The following LRRC37A2 variants were observed in gnomAD, a reference collection of about 807,000 sequenced individuals.
The protein encoded by LRRC37A2 is leucine rich repeat containing 37 member A2.
A neutral mutation model predicts 68.8 loss-of-function variants in LRRC37A2; 9 were observed. That is an observed-to-expected ratio of 0.13 (90% CI 0.08 to 0.23). The LOEUF (loss-of-function observed/expected upper bound fraction) is 0.23, where lower values mean the gene tolerates loss of function less well. Ranked by LOEUF, LRRC37A2 falls within the 10% of genes least tolerant of loss-of-function variation. The probability of loss-of-function intolerance (pLI) is 1.00; values close to 1 mark genes in which losing one functional copy is unlikely to be tolerated. For missense variants in LRRC37A2, 168 were observed against 950.4 expected, an observed-to-expected ratio of 0.18 and a Z score of 10.82; for synonymous variants, 63 against 367.6, an observed-to-expected ratio of 0.17 and a Z score of 9.48.
chr17:46,785,019 T>C, the LRRC37A2 span, among the ~76,000 whole-genome samples: 85 of 152,212 alleles, frequency 5.6e-4, no homozygotes, highest in East Asian at 9.5e-3. Context: ...CCTCGTGATC[T>C]GCCCGCCTTG....
chr17:46,780,906 G>C, the LRRC37A2 span, among the ~76,000 whole-genome samples: 1 of 152,154 alleles, frequency 6.6e-6, no homozygotes, highest in Non-Finnish European at 1.5e-5. Flanking sequence ...ATAAACAACA[G>C]GTGGCCCATA....
At chr17:46,708,031 CAAAAA>C in the LRRC37A2 span, among the ~76,000 whole-genome samples, 3 of 85,552 alleles carry the variant, frequency 3.5e-5, no homozygotes, top group Non-Finnish European at 5.2e-5. Flanking sequence ...GACCCTGTCT[CAAAAA>C]AAAAAAAAAA....
At chr17:46,388,394 CAAA>C in the LRRC37A2 span, among the ~76,000 whole-genome samples, 4 of 44,668 alleles carry the variant, frequency 9.0e-5, no homozygotes, top group Admixed American at 2.0e-4. Flanking sequence ...ACTAAAAATA[CAAA>C]AAAAAAAAAA....
At chr17:46,980,758 G>A in the LRRC37A2 span, among the ~76,000 whole-genome samples, 3 of 151,730 alleles carry the variant, frequency 2.0e-5, no homozygotes, top group African/African-American at 4.8e-5. Context: ...GCGTGAACCC[G>A]GGAGGTGAAG....
At chr17:46,914,580 G>A in the LRRC37A2 span, among the ~76,000 whole-genome samples, 2 of 147,414 alleles carry the variant, frequency 1.4e-5, no homozygotes, top group Non-Finnish European at 3.0e-5. Context: ...GAACCCGGAA[G>A]GCGGAGGTTG....
chr17:46,872,462 G>T, the LRRC37A2 span: 1 of 1,432,770 alleles, frequency 7.0e-7, no homozygotes. Context: ...CCCTTCATTT[G>T]CCCCTCACCA....
chr17:46,907,299 C>T, the LRRC37A2 span, among the ~76,000 whole-genome samples: 8 of 152,212 alleles, frequency 5.3e-5, no homozygotes, highest in African/African-American at 1.9e-4. Flanking sequence ...CCAGGCGGGG[C>T]TTCCTTTGGA....
At chr17:46,951,028 G>T in the LRRC37A2 span, among the ~76,000 whole-genome samples, 1 of 152,146 alleles carries the variant, frequency 6.6e-6, no homozygotes, top group East Asian at 1.9e-4. Context: ...CCAACTACAC[G>T]CCCATGGCCT....
the LRRC37A2 span, chr17:46,939,808 TA>T: frequency 1.0e-6 from 1 of 988,738 alleles, no homozygotes; most frequent in African/African-American, 1.7e-5. Flanking sequence ...ATTCAGGCTG[TA>T]CTAATACCAG....
At chr17:46,940,257 TGGA>T in the LRRC37A2 span, 4 of 1,425,436 alleles carry the variant, frequency 2.8e-6, no homozygotes, top group Non-Finnish European at 1.8e-6. Context: ...CACTTTCGGT[TGGA>T]GGAGATCTCC....
At chr17:46,875,349 A>G in the LRRC37A2 span, 1 of 1,606,084 alleles carries the variant, frequency 6.2e-7, no homozygotes, top group Non-Finnish European at 8.5e-7. Context: ...CGCCCACAAT[A>G]CCCACGTGGG....
At chr17:47,015,006 C>CTTTTTTT in the LRRC37A2 span, among the ~76,000 whole-genome samples, 2 of 106,126 alleles carry the variant, frequency 1.9e-5, no homozygotes, top group Admixed American at 1.2e-4. Flanking sequence ...CCATTTTTAT[C>CTTTTTTT]TTTTTTTTTT....
At chr17:46,737,998 A>C in the LRRC37A2 span, among the ~76,000 whole-genome samples, 1 of 151,856 alleles carries the variant, frequency 6.6e-6, no homozygotes, top group South Asian at 2.1e-4. Flanking sequence ...GCAGTGACGC[A>C]GTCTCAATCA....
At chr17:46,725,897 G>A in the LRRC37A2 span, among the ~76,000 whole-genome samples, 1 of 152,296 alleles carries the variant, frequency 6.6e-6, no homozygotes, top group Non-Finnish European at 1.5e-5. Flanking sequence ...TCAACTTGCA[G>A]ATAAGCTAAT....
chr17:46,412,423 T>G, the LRRC37A2 span, among the ~76,000 whole-genome samples: 1 of 109,822 alleles, frequency 9.1e-6, no homozygotes, highest in Non-Finnish European at 2.1e-5. Context: ...GAAGAACCTG[T>G]TCTGTGCTTA....
the LRRC37A2 span, among the ~76,000 whole-genome samples, chr17:46,812,507 C>T: frequency 6.6e-6 from 1 of 152,220 alleles, no homozygotes; most frequent in African/African-American, 2.4e-5. Context: ...CTGCCTCCCC[C>T]ACCCCTTCTG....
chr17:46,921,940 C>A, the LRRC37A2 span, among the ~76,000 whole-genome samples: 5 of 152,190 alleles, frequency 3.3e-5, no homozygotes, highest in Admixed American at 2.6e-4. Flanking sequence ...TCTCAGGGAT[C>A]TAGAACTAGA....
the LRRC37A2 span, among the ~76,000 whole-genome samples, chr17:46,841,836 G>A: frequency 3.3e-5 from 5 of 152,234 alleles, no homozygotes; most frequent in African/African-American, 9.6e-5. Context: ...CGCGTTTGCC[G>A]TGTGCAAAGT....
At chr17:46,747,562 G>T in the LRRC37A2 span, among the ~76,000 whole-genome samples, 3 of 152,120 alleles carry the variant, frequency 2.0e-5, no homozygotes, top group Non-Finnish European at 2.9e-5. Context: ...TTACAGGTGT[G>T]AGCCACCGGC....
Sources: gnomAD v4.1 joint callset for allele counts (sites outside exome capture counted in the v4.1 genomes callset) on GRCh38, gnomAD v4.1.1 for gene constraint, MANE v1.5 for transcripts, NCBI Gene and HGNC (gene_info 2026-07-23, HGNC 2026-07-21) for gene names.